The following AGAP1 variants were observed in gnomAD, a reference collection of about 807,000 sequenced individuals.
The protein encoded by AGAP1 is arf-GAP with GTPase, ANK repeat and PH domain-containing protein 1.
In AGAP1, 29 loss-of-function variants were observed where a neutral mutation model predicts 105.3. The ratio of observed to expected loss-of-function variants is 0.28; its 90% CI spans 0.21 to 0.38. The LOEUF (loss-of-function observed/expected upper bound fraction) is 0.38, where lower values mean the gene tolerates loss of function less well. Ranked by LOEUF, AGAP1 falls within the 10% of genes least tolerant of loss-of-function variation. AGAP1 has a pLI of 1.00. For synonymous variants in AGAP1, 509 were observed against 485.9 expected (o/e 1.05, Z -0.63); for missense variants, 998 against 1,165.1 (o/e 0.86, Z 2.09).
intron 1 of AGAP1, among the ~76,000 whole-genome samples, chr2:235,520,603 A>C (rs1187379229): frequency 6.6e-6 from 1 of 152,196 alleles, no homozygotes; most frequent in Non-Finnish European, 1.5e-5. Context: ...CCACGTTAGC[A>C]GTCGGGACCA....
At chr2:236,031,361 G>T (rs1362627232) in intron 13 of AGAP1, among the ~76,000 whole-genome samples, 2 of 152,168 alleles carry the variant, frequency 1.3e-5, no homozygotes, top group African/African-American at 4.8e-5. Flanking sequence ...TGAGAAGATG[G>T]CAGGCACGCC....
rs1950985782 is a variant in AGAP1, at chr2:235,714,285, G to A, written c.223-3272G>A. 6.6e-6 allele frequency among the ~76,000 whole-genome samples: 1 copy of A among 152,016 alleles called. No individual in the cohort carries two copies. The highest frequency in any genetic ancestry group is 2.1e-4 in the South Asian group (1 of 4,828). On this transcript the variant is annotated intron_variant, in intron 2 of 17. Transcript: ENST00000304032. This position sits in a 1 kb window ranked among gnomAD's most constrained non-coding sequence, Gnocchi z 4.1. The stretch of plus-strand genomic sequence containing the variant: ...CCTGCCTCGGCCTCCCAAAGTGCTG[G>A]GATTACAGGCGTGAGCCACCATGCC...
intron 9 of AGAP1, among the ~76,000 whole-genome samples, chr2:235,839,301 G>A (rs1019794863): frequency 2.4e-4 from 36 of 152,294 alleles, no homozygotes; most frequent in African/African-American, 7.7e-4. Context: ...ATATGCCCAC[G>A]GGTGTGGGCG....
Position 236,087,230 on chromosome 2 carries a change from C to G in AGAP1, c.2115-32962C>G, listed in dbSNP as rs1250399843. Among the ~76,000 whole-genome samples the G allele has an allele frequency of 6.6e-6, 1 of 151,762 alleles. No homozygotes were observed. The highest frequency in any genetic ancestry group is 1.5e-5 in the Non-Finnish European group (1 of 67,988). Reference sequence around the variant, plus strand: ...TGGAGCTGTGATTGACAGGCCTTCTCATTATGGAGCCCATCAGGGGACAGG... The same window carrying G: ...TGGAGCTGTGATTGACAGGCCTTCTGATTATGGAGCCCATCAGGGGACAGG... On this transcript the variant is annotated intron_variant, in intron 16 of 17. Coordinates refer to ENST00000304032, the MANE Select transcript of AGAP1 (RefSeq NM_001037131.3). This position sits in a 1 kb window ranked among gnomAD's most constrained non-coding sequence, Gnocchi z 5.7.
At position 235,852,668 on chromosome 2, in the gene AGAP1, T is replaced by C. The variant is rs764404016; in HGVS notation, c.1051-30677T>C. 1.3e-4 allele frequency: 190 copies of C among 1,436,586 alleles called. 1 individual carries two copies. Among genetic ancestry groups the C allele is most frequent in the Middle Eastern group, 5.4e-4 (3 of 5,536 alleles). 89.0% of individuals were successfully genotyped at this position (1,436,586 alleles called of 1,614,324 possible). On this transcript the variant is annotated intron_variant, in intron 9 of 17. Coordinates refer to ENST00000304032, the MANE Select transcript of AGAP1 (RefSeq NM_001037131.3). ...AAGCAGTTGTGAAGAATTTTTTTTA[T>C]CTCCTTTCTCTCCCCAGGGCCTGCC... is the stretch of plus-strand genomic sequence containing the variant.
Position 235,867,536 on chromosome 2 carries a change from A to AGTGTGTGTGTGTGTGTGTGT in AGAP1, c.1051-15789_1051-15770dup, listed in dbSNP as rs61257818. On this transcript the variant is annotated intron_variant, in intron 9 of 17. Coordinates refer to ENST00000304032, the MANE Select transcript of AGAP1 (RefSeq NM_001037131.3). The surrounding 1 kb of genome is among the most constrained non-coding windows in gnomAD (Gnocchi z 5.4). ...ATCATACACCTTATGCTGGTGCTGC[A>AGTGTGTGTGTGTGTGTGTGT]GTGTGTGTGTGTGTGTGTGTGTGTG... 3.8e-3 allele frequency among the ~76,000 whole-genome samples: 464 copies of AGTGTGTGTGTGTGTGTGTGT among 123,300 alleles called. 5 individuals are homozygous for AGTGTGTGTGTGTGTGTGTGT. Among genetic ancestry groups the AGTGTGTGTGTGTGTGTGTGT allele is most frequent in the African/African-American group, 0.011 (370 of 35,088 alleles). The allele number at this position is 123,300 out of a possible 152,430, so 80.9% of individuals were successfully genotyped here.
intron 16 of AGAP1, among the ~76,000 whole-genome samples, chr2:236,077,735 C>A (rs544322399): frequency 6.6e-6 from 1 of 152,118 alleles, no homozygotes; most frequent in Non-Finnish European, 1.5e-5. Context: ...ATTGAAATAC[C>A]GCTGGGTTGA....
intron 6 of AGAP1, among the ~76,000 whole-genome samples, chr2:235,772,855 C>T (rs762054360): frequency 6.6e-6 from 1 of 152,206 alleles, no homozygotes; most frequent in Non-Finnish European, 1.5e-5. Flanking sequence ...TCACTGAGTC[C>T]TTGTGGGCCC....
At position 236,058,179 on chromosome 2, in the gene AGAP1, T is replaced by C. The variant is rs947408155; in HGVS notation, c.2114+8898T>C. Among the ~76,000 whole-genome samples the C allele has an allele frequency of 3.3e-5, 5 of 152,216 alleles. No individual in the cohort carries two copies. The highest frequency in any genetic ancestry group is 1.3e-4 in the Admixed American group (2 of 15,290). On this transcript the variant is annotated intron_variant, in intron 16 of 17. Coordinates refer to ENST00000304032, the MANE Select transcript of AGAP1 (RefSeq NM_001037131.3). The surrounding 1 kb of genome is among the most constrained non-coding windows in gnomAD (Gnocchi z 4.6). ...AAGTTTGAGACACTCTGGTCTGCAC[T>C]AAGTAGTAAAAATAAAAGTCCACAA...
At chr2:236,047,510 T>G (rs1446707836) in intron 15 of AGAP1, among the ~76,000 whole-genome samples, 1 of 151,380 alleles carries the variant, frequency 6.6e-6, no homozygotes, top group East Asian at 1.9e-4. Context: ...CTCTGTTCTC[T>G]TCTGCTTGGG....
chr2:235,629,268 T>TTGTGTGTGTGTG (rs60059513), intron 1 of AGAP1, among the ~76,000 whole-genome samples: 10 of 135,714 alleles, frequency 7.4e-5, no homozygotes, highest in South Asian at 2.6e-4. Context: ...GTAGTAGTCA[T>TTGTGTGTGTGTG]TGTGTGTGTG....
chr2:235,512,487 A>AG (rs1257675179), intron 1 of AGAP1, among the ~76,000 whole-genome samples: 2 of 152,158 alleles, frequency 1.3e-5, no homozygotes, highest in Non-Finnish European at 2.9e-5. Context: ...CCAGCTGCTC[A>AG]GGAGGCTGAG....
rs556788566 is a variant in AGAP1, at chr2:235,524,634, C to T, written c.163+29785C>T. ...CTATAAAGTAGGAAAACATGCTTAC[C>T]GCTGGAGAGGATGCCTAACAACAGC... On this transcript the variant is annotated intron_variant, in intron 1 of 17. Coordinates refer to ENST00000304032, the MANE Select transcript of AGAP1 (RefSeq NM_001037131.3). 7 of 174,080 alleles carry T rather than the reference C, an allele frequency of 4.0e-5. No individual in the cohort carries two copies. The South Asian group carries it at 4.4e-4, about 11-fold the overall frequency. The allele number at this position is 174,080 out of a possible 1,614,324, so 10.8% of individuals were successfully genotyped here. A position where few individuals can be genotyped will look rare whatever the true frequency, so the allele number is the denominator to read the frequency against.
intron 9 of AGAP1, among the ~76,000 whole-genome samples, chr2:235,812,819 C>T (rs1958228844): frequency 1.3e-5 from 2 of 152,200 alleles, no homozygotes; most frequent in South Asian, 2.1e-4. Flanking sequence ...CCAAGGTGAG[C>T]GAGAGGCCCG....
At chr2:235,947,112 G>C (rs545012950) in intron 12 of AGAP1, among the ~76,000 whole-genome samples, 1 of 152,108 alleles carries the variant, frequency 6.6e-6, no homozygotes, top group Non-Finnish European at 1.5e-5. Flanking sequence ...TGGGGAACAA[G>C]TGGTTTTTGG....
chr2:235,744,490 C>T lies in AGAP1; in HGVS notation c.397-208C>T, dbSNP rs546695264. ...GTGGGAACAGGATGAAGGGCCCATT[C>T]CCAAGGGGAACACCAGGCATGGTGT... is the stretch of plus-strand genomic sequence containing the variant. On this transcript the variant is annotated intron_variant, in intron 4 of 17. Coordinates refer to ENST00000304032, the MANE Select transcript of AGAP1 (RefSeq NM_001037131.3). The surrounding 1 kb of genome is among the most constrained non-coding windows in gnomAD (Gnocchi z 5.2). Among the ~76,000 whole-genome samples, 8 of 152,242 alleles carry T rather than the reference C, an allele frequency of 5.3e-5. No homozygotes were observed. In the East Asian group the frequency reaches 1.2e-3, roughly 22 times the overall value.
In AGAP1 at chr2:235,904,884, T is replaced by C. The variant is rs962913686; in HGVS notation, c.1156-3854T>C. Among the ~76,000 whole-genome samples, 3 of 152,226 alleles carry C rather than the reference T, an allele frequency of 2.0e-5. No homozygotes were observed. Among genetic ancestry groups the C allele is most frequent in the African/African-American group, 7.2e-5 (3 of 41,464 alleles). On this transcript the variant is annotated intron_variant, in intron 10 of 17. Transcript: ENST00000304032. The surrounding 1 kb of genome is among the most constrained non-coding windows in gnomAD (Gnocchi z 4.2). ...GAAGCGCTGAGTCGGAGGGCTTTTA[T>C]TGAGTAGGAAATGCATTTTGTAAAA...
chr2:235,644,867 A>G (rs550617020), intron 1 of AGAP1, among the ~76,000 whole-genome samples: 3 of 151,920 alleles, frequency 2.0e-5, no homozygotes, highest in African/African-American at 7.2e-5. Flanking sequence ...ATTTAAGTAT[A>G]GTGGAGCAAC....
rs538002806 is a variant in AGAP1, at chr2:235,641,282, C to T, written c.164-67897C>T. ...AACTGCAGATGTATGTGTAAGTCCT[C>T]AGTACTGCGATTCTTTCTTTCTCTC... On this transcript the variant is annotated intron_variant, in intron 1 of 17. Coordinates refer to ENST00000304032, the MANE Select transcript of AGAP1 (RefSeq NM_001037131.3). 2.7e-5 allele frequency among the ~76,000 whole-genome samples: 4 copies of T among 146,384 alleles called. No homozygotes were observed. The South Asian group carries it at 6.8e-4, about 25-fold the overall frequency.
Sources: gnomAD v4.1 joint callset for allele counts (sites outside exome capture counted in the v4.1 genomes callset) on GRCh38, gnomAD v4.1.1 for gene constraint, Gnocchi (gnomAD v3.1) non-coding constraint, MANE v1.5 for transcripts, NCBI Gene and HGNC (gene_info 2026-07-23, HGNC 2026-07-21) for gene names.